Variants in ADGRF5 observed in about 807,000 individuals in gnomAD.
ADGRF5 encodes the protein G-protein coupled receptor 116.
In ADGRF5, 75 loss-of-function variants were observed where a neutral mutation model predicts 132.3. That is an observed-to-expected ratio of 0.57 (90% CI 0.47 to 0.69). The LOEUF (loss-of-function observed/expected upper bound fraction) is 0.69, where lower values mean the gene tolerates loss of function less well. Among genes scored for constraint, ADGRF5 ranks in the 30% least tolerant of loss-of-function variants. The pLI, the probability that ADGRF5 is intolerant of heterozygous loss-of-function variation, is 0.00. For synonymous variants in ADGRF5, 629 were observed against 597.6 expected (o/e 1.05, Z -0.77); for missense variants, 1,516 against 1,630.6 (o/e 0.93, Z 1.21).
At chr6:46,854,283 C>A (rs138660978) in intron 20 of ADGRF5, among the ~76,000 whole-genome samples, 1 of 152,182 alleles carries the variant, frequency 6.6e-6, no homozygotes, top group South Asian at 2.1e-4. Context: ...TGGCAGCCAA[C>A]AAGCAGTCAC....
intron 1 of ADGRF5, among the ~76,000 whole-genome samples, chr6:46,930,068 G>C (rs943415743): frequency 1.3e-5 from 2 of 152,016 alleles, no homozygotes; most frequent in Admixed American, 6.5e-5. Flanking sequence ...TGATCCACCC[G>C]CCTCAGCCTC....
intron 3 of ADGRF5, among the ~76,000 whole-genome samples, chr6:46,894,414 C>A (rs2150868869): frequency 1.3e-5 from 2 of 152,194 alleles, no homozygotes; most frequent in African/African-American, 2.4e-5. Flanking sequence ...ACTGTGTCAT[C>A]AAACACCAGA....
chr6:46,892,844 T>C (rs2150865586), intron 3 of ADGRF5, among the ~76,000 whole-genome samples: 1 of 152,322 alleles, frequency 6.6e-6, no homozygotes, highest in Admixed American at 6.5e-5. Flanking sequence ...GTTGCTCCGC[T>C]CATCTGTTTG....
At chr6:46,866,521 T>C (rs975153129) in intron 13 of ADGRF5, among the ~76,000 whole-genome samples, 13 of 152,144 alleles carry the variant, frequency 8.5e-5, no homozygotes, top group African/African-American at 3.1e-4. Context: ...TTTCCTCTAC[T>C]TTTTTGGCAC....
chr6:46,908,502 A>G (rs140192409), intron 1 of ADGRF5, among the ~76,000 whole-genome samples: 153 of 152,258 alleles, frequency 1.0e-3, no homozygotes, highest in African/African-American at 3.5e-3. Flanking sequence ...ACCAAGGAAG[A>G]ACTCACATAC....
chr6:46,876,600 G>GTTT (rs1187554611), intron 10 of ADGRF5, among the ~76,000 whole-genome samples: 5 of 152,008 alleles, frequency 3.3e-5, no homozygotes, highest in Admixed American at 6.6e-5. Context: ...TAAATTGATA[G>GTTT]TTTTTGTTGT....
Position 46,869,770 on chromosome 6 carries a change from C to T in ADGRF5, c.1412-678G>A, listed in dbSNP as rs78272404. The stretch of plus-strand genomic sequence containing the variant: ...GGCTAAAAGCACAATTACTTTTGCA[C>T]TAACCTAATAATTACACCTGCACTG... On this transcript the variant is annotated intron_variant, in intron 11 of 20. Transcript: ENST00000283296. Among the ~76,000 whole-genome samples, 1,094 of 152,284 alleles carry T rather than the reference C, an allele frequency of 7.2e-3. 13 individuals carry two copies. Among genetic ancestry groups the T allele is most frequent in the African/African-American group, 0.023 (972 of 41,554 alleles).
intron 4 of ADGRF5, among the ~76,000 whole-genome samples, chr6:46,886,047 C>T (rs900911588): frequency 6.6e-6 from 1 of 152,204 alleles, no homozygotes; most frequent in African/African-American, 2.4e-5. Flanking sequence ...CCTACATGAA[C>T]TCTGCTCTCA....
chr6:46,868,243 T>G (rs948991179), intron 12 of ADGRF5, among the ~76,000 whole-genome samples: 4 of 152,198 alleles, frequency 2.6e-5, no homozygotes, highest in African/African-American at 9.7e-5. Flanking sequence ...CTTGGGTAAT[T>G]TACTTAACTT....
chr6:46,873,560 C>G (rs1464415027), intron 10 of ADGRF5, among the ~76,000 whole-genome samples: 1 of 152,030 alleles, frequency 6.6e-6, no homozygotes, highest in Non-Finnish European at 1.5e-5. Context: ...AGGCTCTTTT[C>G]CTTCATCCTC....
intron 8 of ADGRF5, 112 bp downstream of exon 8, chr6:46,881,343 G>T: frequency 2.3e-6 from 2 of 868,760 alleles, no homozygotes; most frequent in Non-Finnish European, 3.7e-6. Context: ...AGAACCCCCT[G>T]TGCCAGGAAC....
intron 20 of ADGRF5, chr6:46,854,582 G>A (rs1219551661): frequency 4.3e-6 from 2 of 469,192 alleles, no homozygotes; most frequent in Non-Finnish European, 8.2e-6. Flanking sequence ...CAGAACTGCT[G>A]AGAATCAGCG....
intron 10 of ADGRF5, among the ~76,000 whole-genome samples, chr6:46,875,839 A>C (rs1771597575): frequency 6.6e-6 from 1 of 152,190 alleles, no homozygotes; most frequent in Admixed American, 6.5e-5. Flanking sequence ...GAATACATTG[A>C]ATCTACCACA....
chr6:46,871,002 T>C (rs1770995357), intron 11 of ADGRF5: 2 of 153,316 alleles, frequency 1.3e-5, no homozygotes, highest in Admixed American at 6.6e-5. Context: ...ATTATAGATA[T>C]ATATTAGATA....
At chr6:46,906,906 A>C in intron 1 of ADGRF5, 120 bp from the exon 2 acceptor site, 1 of 651,356 alleles carries the variant, frequency 1.5e-6, no homozygotes, top group Non-Finnish European at 2.8e-6. Flanking sequence ...AGAGACACAA[A>C]AGGAAGGAGG....
chr6:46,859,068 ATTG>A lies in ADGRF5; in HGVS notation c.2832_2834del (p.Asn945del), dbSNP rs765652748. The A allele has an allele frequency of 3.1e-6, 5 of 1,614,078 alleles. No homozygotes were observed. In the South Asian group the frequency reaches 4.4e-5, roughly 14 times the overall value. On this transcript the variant is annotated inframe_deletion, in exon 17 of 21. Coordinates refer to ENST00000283296, the MANE Select transcript of ADGRF5 (RefSeq NM_001098518.2). The stretch of plus-strand genomic sequence containing the variant: ...ACTTCGTTTCGCCGCCTGAAGGGCT[ATTG>A]TTCTTAAAAGTCATTGAAATCCTGA...
At position 46,880,032 on chromosome 6, in the gene ADGRF5, G is replaced by T; in HGVS notation, c.822C>A (p.Ser274Arg). The change falls in exon 9 of 21, where the codon AGC (serine) becomes AGA (arginine). Residue 274 changes from serine to arginine, a missense_variant. Coordinates refer to ENST00000283296, the MANE Select transcript of ADGRF5 (RefSeq NM_001098518.2). ...NSFQAVTINE[S>R]NFFVTPEIIF... ...TGATTTCTGGTGTGACAAAGAAATTGCTTTCATCTGGAAACCCAAAGAAAA... is the reference window on the plus strand; with the variant it reads ...TGATTTCTGGTGTGACAAAGAAATTTCTTTCATCTGGAAACCCAAAGAAAA... 6.2e-7 allele frequency: 1 copy of T among 1,612,656 alleles called. No homozygotes were observed. Among genetic ancestry groups the T allele is most frequent in the Non-Finnish European group, 8.5e-7 (1 of 1,178,668 alleles).
At chr6:46,882,247 A>G in intron 6 of ADGRF5, 140 bp from the exon 7 acceptor site, 1 of 721,506 alleles carries the variant, frequency 1.4e-6, no homozygotes, top group Admixed American at 2.0e-5. Context: ...AACTGTGGGC[A>G]TTAGATTTCT....
rs573687992 is a variant in ADGRF5, at chr6:46,900,561, T to C, written c.103-478A>G. 6.6e-5 allele frequency among the ~76,000 whole-genome samples: 10 copies of C among 152,268 alleles called. No homozygotes were observed. In the South Asian group the frequency reaches 1.9e-3, roughly 28 times the overall value. On this transcript the variant is annotated intron_variant, in intron 2 of 20. Coordinates refer to ENST00000283296, the MANE Select transcript of ADGRF5 (RefSeq NM_001098518.2). ...TTGTGTGTGCTTAGAAATTATTTTT[T>C]CTACATCTGATCCTTTTTCTCCTGG...
Sources: allele counts gnomAD v4.1 joint callset (sites outside exome capture counted in the v4.1 genomes callset), GRCh38; gene constraint gnomAD v4.1.1; transcripts MANE v1.5; gene names NCBI Gene and HGNC (gene_info 2026-07-23, HGNC 2026-07-21).